The following DENND5B variants were observed in gnomAD, a reference collection of about 807,000 sequenced individuals.
DENND5B encodes the protein DENN domain containing 5B.
In DENND5B, 34 loss-of-function variants were observed where a neutral mutation model predicts 140.6. The ratio of observed to expected loss-of-function variants is 0.24; its 90% CI spans 0.18 to 0.32. The LOEUF (loss-of-function observed/expected upper bound fraction) is 0.32, where lower values mean the gene tolerates loss of function less well. DENND5B is among the 10% of genes least tolerant of loss of function. DENND5B has a pLI of 1.00. For missense variants in DENND5B, 1,142 were observed against 1,560.2 expected, an observed-to-expected ratio of 0.73 and a Z score of 4.52; for synonymous variants, 551 against 562.1, an observed-to-expected ratio of 0.98 and a Z score of 0.28.
At position 31,533,924 on chromosome 12, in the gene DENND5B, C is replaced by T. The variant is rs1367518555; in HGVS notation, c.128-38005G>A. The stretch of plus-strand genomic sequence containing the variant: ...TCCTTTAACTTATGAAGATTCAAGT[C>T]ACTAATATGTTAGTTCTTCTGGTTT... On this transcript the variant is annotated intron_variant, in intron 1 of 20. Coordinates refer to ENST00000389082, the MANE Select transcript of DENND5B (RefSeq NM_144973.4). 2.0e-5 allele frequency among the ~76,000 whole-genome samples: 3 copies of T among 150,738 alleles called. No homozygotes were observed. The East Asian group carries it at 5.8e-4, about 29-fold the overall frequency.
chr12:31,427,627 G>A (rs1245566726), intron 8 of DENND5B, among the ~76,000 whole-genome samples: 5 of 151,136 alleles, frequency 3.3e-5, no homozygotes, highest in Non-Finnish European at 7.4e-5. Context: ...AAAATCATCT[G>A]GATACCTTAT....
chr12:31,494,828 G>A (rs1016226299), intron 2 of DENND5B, among the ~76,000 whole-genome samples: 5 of 152,166 alleles, frequency 3.3e-5, no homozygotes, highest in African/African-American at 1.2e-4. Flanking sequence ...AACCTCTAGA[G>A]GGTATTTAAA....
At chr12:31,505,499 G>A (rs1243862690) in intron 1 of DENND5B, among the ~76,000 whole-genome samples, 1 of 152,002 alleles carries the variant, frequency 6.6e-6, no homozygotes, top group Non-Finnish European at 1.5e-5. Flanking sequence ...AGCCTCCCAA[G>A]TGCTGGGATT....
chr12:31,401,047 T>C (rs1941770978), intron 15 of DENND5B, among the ~76,000 whole-genome samples: 1 of 152,058 alleles, frequency 6.6e-6, no homozygotes, highest in African/African-American at 2.4e-5. Context: ...TTCTTCATTT[T>C]GGTCAGGCTG....
rs761523161 is a variant in DENND5B, at chr12:31,423,593, A to G, written c.2470+4T>C. On this transcript the variant is annotated splice_donor_region_variant and intron_variant, in intron 11 of 20. Transcript: ENST00000389082. ...CTGCTAGTTCTTTACCAATGATGTC[A>G]TACCTGGTGATTCTGCAAGGTGCTC... The G allele has an allele frequency of 1.4e-5, 22 of 1,613,702 alleles. No individual in the cohort carries two copies. In the East Asian group the frequency reaches 4.0e-4, roughly 29 times the overall value.
intron 2 of DENND5B, among the ~76,000 whole-genome samples, chr12:31,493,708 G>A (rs34949976): frequency 0.13 from 20,379 of 152,126 alleles, 1,614 homozygotes; most frequent in Non-Finnish European, 0.18. Flanking sequence ...GTGTGCGCCT[G>A]TAATCTCAGC....
At chr12:31,538,474 T>C (rs1252163362) in intron 1 of DENND5B, among the ~76,000 whole-genome samples, 3 of 151,756 alleles carry the variant, frequency 2.0e-5, no homozygotes, top group African/African-American at 7.3e-5. Flanking sequence ...AGTGCCTACA[T>C]CAAAAAAGAA....
chr12:31,475,999 G>A (rs1333174949), intron 3 of DENND5B, among the ~76,000 whole-genome samples: 1 of 151,988 alleles, frequency 6.6e-6, no homozygotes, highest in Non-Finnish European at 1.5e-5. Flanking sequence ...GGTGGTGCGC[G>A]CCTGTAGTCC....
At chr12:31,414,810 T>C (rs1942637377) in intron 12 of DENND5B, among the ~76,000 whole-genome samples, 1 of 151,788 alleles carries the variant, frequency 6.6e-6, no homozygotes, top group African/African-American at 2.4e-5. Context: ...ATGCCTGTGC[T>C]ACTCAGGAGG....
At chr12:31,530,453 G>C (rs1248461111) in intron 1 of DENND5B, among the ~76,000 whole-genome samples, 1 of 152,112 alleles carries the variant, frequency 6.6e-6, no homozygotes, top group Non-Finnish European at 1.5e-5. Context: ...ACAATATTTT[G>C]AATATGCAAA....
At chr12:31,420,040 C>T (rs1593118400) in intron 11 of DENND5B, 6 of 982,530 alleles carry the variant, frequency 6.1e-6, no homozygotes, top group East Asian at 2.3e-4. Flanking sequence ...AAGGGCTCTA[C>T]ACCTACCCCC....
intron 14 of DENND5B, 53 bp from the exon 15 acceptor site, chr12:31,402,696 TA>T: frequency 6.5e-7 from 1 of 1,545,490 alleles, no homozygotes; most frequent in South Asian, 1.3e-5. Context: ...ATTCTCCTTA[TA>T]ACAAAACATA....
intron 1 of DENND5B, chr12:31,540,907 A>G (rs1040735353): frequency 2.6e-5 from 11 of 421,712 alleles, no homozygotes; most frequent in Non-Finnish European, 4.7e-5. Context: ...CCACACATTT[A>G]CAGTGAACTC....
chr12:31,537,829 G>T (rs996715948), intron 1 of DENND5B, among the ~76,000 whole-genome samples: 1 of 152,114 alleles, frequency 6.6e-6, no homozygotes, highest in Non-Finnish European at 1.5e-5. Context: ...AAGACTAGGA[G>T]TAGCTATACG....
chr12:31,460,516 A>T (rs1209151717), intron 3 of DENND5B, 135 bp from the exon 4 acceptor site: 6 of 778,170 alleles, frequency 7.7e-6, no homozygotes, highest in Non-Finnish European at 1.0e-5. Context: ...CATACAGAAA[A>T]TAGGTCAGTT....
At chr12:31,445,109 T>A (rs185818505) in intron 6 of DENND5B, among the ~76,000 whole-genome samples, 1 of 152,228 alleles carries the variant, frequency 6.6e-6, no homozygotes, top group East Asian at 1.9e-4. Flanking sequence ...AACTCCAACA[T>A]TTGAAGGGAA....
chr12:31,550,045 C>A (rs1177614497), intron 1 of DENND5B, among the ~76,000 whole-genome samples: 2 of 150,560 alleles, frequency 1.3e-5, no homozygotes, highest in Non-Finnish European at 3.0e-5. Flanking sequence ...AAAGGCCATT[C>A]TTTTTTTCTT....
At chr12:31,468,518 G>A (rs1331711038) in intron 3 of DENND5B, among the ~76,000 whole-genome samples, 1 of 151,992 alleles carries the variant, frequency 6.6e-6, no homozygotes, top group Non-Finnish European at 1.5e-5. Flanking sequence ...TCTTTAAAGA[G>A]TAATAGGGCT....
Position 31,590,795 on chromosome 12 carries a change from C to T in DENND5B, c.38G>A (p.Gly13Asp). The change falls in exon 1 of 21, where the codon GGC becomes GAC. Residue 13 changes from glycine (G) to aspartate (D), a missense_variant. Physicochemically the swap from Gly to Asp is moderately conservative, Grantham distance 94. Coordinates refer to ENST00000389082, the MANE Select transcript of DENND5B (RefSeq NM_144973.4). ...GSCAAPGPGS[G>D]SSPAACRFAH... is the part of the protein sequence containing the mutation. Reference sequence around the variant, plus strand: ...GAAGCGGCAGGCGGCCGGGGAGGAGCCCGAGCCCGGGCCGGGCGCCGCGCA... The same window carrying T: ...GAAGCGGCAGGCGGCCGGGGAGGAGTCCGAGCCCGGGCCGGGCGCCGCGCA... 2.2e-6 allele frequency: 3 copies of T among 1,335,258 alleles called. No homozygotes were observed. Among genetic ancestry groups the T allele is most frequent in the East Asian group, 3.2e-5 (1 of 31,612 alleles). 82.7% of individuals were successfully genotyped at this position (1,335,258 alleles called of 1,614,324 possible). A position where few individuals can be genotyped will look rare whatever the true frequency, so the allele number is the denominator to read the frequency against.
Sources: allele counts gnomAD v4.1 joint callset (sites outside exome capture counted in the v4.1 genomes callset), GRCh38; gene constraint gnomAD v4.1.1; transcripts MANE v1.5; gene names NCBI Gene and HGNC (gene_info 2026-07-23, HGNC 2026-07-21).